ESYT3: variants seen among roughly 807,000 people sequenced by gnomAD.
ESYT3 encodes extended synaptotagmin 3.
ESYT3 carries 101 observed loss-of-function variants against 111.5 expected under a neutral mutation model. The observed-to-expected ratio is 0.91, with a 90% CI of 0.77 to 1.07. ESYT3 has a LOEUF of 1.07. Among genes scored for constraint, ESYT3 ranks in the 50% least tolerant of loss-of-function variants. ESYT3 has a pLI of 0.00. For missense variants in ESYT3, 1,097 were observed against 1,109.4 expected, an observed-to-expected ratio of 0.99 and a Z score of 0.16; for synonymous variants, 416 against 446.8, an observed-to-expected ratio of 0.93 and a Z score of 0.87.
chr3:138,469,927 G>A, intron 15 of ESYT3, 133 bp from the exon 16 acceptor site: 1 of 646,994 alleles, frequency 1.5e-6, no homozygotes, highest in Non-Finnish European at 2.6e-6. Flanking sequence ...GCTGTAGCGT[G>A]TTTGGGTCTG....
At chr3:138,460,573 AC>A (rs2032572998) in intron 6 of ESYT3, 37 bp from the exon 7 acceptor site, 1 of 1,612,406 alleles carries the variant, frequency 6.2e-7, no homozygotes, top group Non-Finnish European at 8.5e-7. Context: ...TGGGCTCCCA[AC>A]CCTTTCCAGC....
Position 138,470,879 on chromosome 3 carries a change from G to A in ESYT3, c.1593G>A (p.Val531=), listed in dbSNP as rs749311644. 1 of 1,614,118 alleles carries A rather than the reference G, an allele frequency of 6.2e-7. No homozygotes were observed. The highest frequency in any genetic ancestry group is 8.5e-7 in the Non-Finnish European group (1 of 1,180,012). ...TTTGTGACTGGACCACTGCCCAGGT[G>A]CTTGATGATGACCAGGAGTGTGCTC... is the stretch of plus-strand genomic sequence containing the variant. ...NVATERLHLK[V]LDDDQECALG... The change falls in exon 17 of 23, where the codon GTG becomes GTA. Residue 531 remains valine (V), a splice_region_variant and synonymous_variant. Coordinates refer to ENST00000389567, the MANE Select transcript of ESYT3 (RefSeq NM_031913.5).
At chr3:138,475,947 G>A (rs764144710) in intron 20 of ESYT3, among the ~76,000 whole-genome samples, 18 of 152,270 alleles carry the variant, frequency 1.2e-4, no homozygotes, top group Middle Eastern at 3.4e-3. Context: ...TGGTAGCAAA[G>A]GTAGAATTGG....
At chr3:138,475,773 C>CA (rs1282229312) in intron 20 of ESYT3, among the ~76,000 whole-genome samples, 2 of 151,974 alleles carry the variant, frequency 1.3e-5, no homozygotes, top group African/African-American at 4.8e-5. Flanking sequence ...ACTAAAAACA[C>CA]AAAAAATTAG....
intron 7 of ESYT3, 86 bp from the exon 8 acceptor site, chr3:138,462,000 C>T (rs1359926159): frequency 1.3e-6 from 2 of 1,594,582 alleles, no homozygotes; most frequent in South Asian, 2.3e-5. Flanking sequence ...CCAATCTGGG[C>T]TCCTGGTTCC....
At chr3:138,462,308 T>A (rs1334329027) in intron 8 of ESYT3, 102 bp downstream of exon 8, 2 of 1,498,302 alleles carry the variant, frequency 1.3e-6, no homozygotes, top group African/African-American at 2.8e-5. Flanking sequence ...ACACTAATGC[T>A]TGACAGTCCC....
chr3:138,465,434 G>C lies in ESYT3; in HGVS notation c.1169+13G>C. 6.3e-7 allele frequency: 1 copy of C among 1,578,822 alleles called. No individual in the cohort carries two copies. The highest frequency in any genetic ancestry group is 8.6e-7 in the Non-Finnish European group (1 of 1,162,214). On this transcript the variant is annotated intron_variant, in intron 10 of 22. Coordinates refer to ENST00000389567, the MANE Select transcript of ESYT3 (RefSeq NM_031913.5). ...ACTTCCTGGGCAGGTGAGGAGGAGG[G>C]CGCACAGCTGGGCCTGGAGGCAGCC...
rs746475237 is a variant in ESYT3, at chr3:138,472,546, A to G, written c.1924A>G (p.Arg642Gly). 31 of 1,614,130 alleles carry G rather than the reference A, an allele frequency of 1.9e-5. No individual in the cohort carries two copies. The highest frequency in any genetic ancestry group is 2.5e-5 in the Non-Finnish European group (30 of 1,180,050). The change falls in exon 18 of 23, where the codon AGG becomes GGG. Residue 642 changes from arginine to glycine, a missense_variant. Arg to Gly is a moderately radical substitution (Grantham distance 125). Transcript: ENST00000389567. ...TGCTTCTGATACTAAGGACGTATCC[A>G]GGAGTACCACAACCACCACCAGTGC... is the stretch of plus-strand genomic sequence containing the variant. ...DPASDTKDVS[R>G]STTTTTSATT...
At chr3:138,476,729 G>A (rs1576474048) in intron 22 of ESYT3, 89 bp from the exon 23 acceptor site, 1 of 1,324,332 alleles carries the variant, frequency 7.6e-7, no homozygotes, top group Non-Finnish European at 1.1e-6. Flanking sequence ...GTCTTACAGA[G>A]GCCCAGGCAG....
At position 138,472,591 on chromosome 3, in the gene ESYT3, C is replaced by T; in HGVS notation, c.1969C>T (p.Pro657Ser). ...TTSATTVATEPTSQETGPEPK... is the reference protein window; with the variant it reads ...TTSATTVATESTSQETGPEPK... Reference sequence around the variant, plus strand: ...CAGTGCTACCACCGTTGCCACTGAGCCCACATCCCAAGAGACAGGCCCAGA... The same window carrying T: ...CAGTGCTACCACCGTTGCCACTGAGTCCACATCCCAAGAGACAGGCCCAGA... The change falls in exon 18 of 23, where the codon CCC (proline) becomes TCC (serine). Residue 657 changes from proline (P) to serine (S), a missense_variant. Physicochemically the swap from Pro to Ser is moderately conservative, Grantham distance 74. Transcript: ENST00000389567. The T allele has an allele frequency of 6.2e-7, 1 of 1,614,214 alleles. No homozygotes were observed. Among genetic ancestry groups the T allele is most frequent in the Non-Finnish European group, 8.5e-7 (1 of 1,180,048 alleles).
chr3:138,480,118 G>T (rs2033658037), downstream of ESYT3: 1 of 152,140 alleles, frequency 6.6e-6, no homozygotes, highest in Non-Finnish European at 1.5e-5. Flanking sequence ...AAACGTAGGA[G>T]GGGAAAGCAA....
Position 138,472,610 on chromosome 3 carries a change from G to A in ESYT3, c.1988G>A (p.Gly663Asp). The part of the protein sequence containing the change: ...VATEPTSQET[G>D]PEPKGKDSAK... ...ACTGAGCCCACATCCCAAGAGACAG[G>A]CCCAGAGCCTAAAGGCAAGGACAGT... Residue 663 changes from glycine to aspartate, a missense_variant, in exon 18 of 23, where the codon GGC (glycine) becomes GAC (aspartate). By Grantham distance (94) the Gly-to-Asp change is moderately conservative (BLOSUM62 -1). Coordinates refer to ENST00000389567, the MANE Select transcript of ESYT3 (RefSeq NM_031913.5). The A allele has an allele frequency of 6.2e-7, 1 of 1,614,186 alleles. No individual in the cohort carries two copies. Among genetic ancestry groups the A allele is most frequent in the Non-Finnish European group, 8.5e-7 (1 of 1,180,034 alleles).
intron 2 of ESYT3, among the ~76,000 whole-genome samples, 194 bp downstream of exon 2, chr3:138,452,283 G>C (rs908902869): frequency 5.3e-5 from 8 of 152,124 alleles, no homozygotes; most frequent in African/African-American, 1.9e-4. Flanking sequence ...ATTAATACGT[G>C]GTCACAGCAG....
At chr3:138,436,345 C>G (rs986398179) in intron 1 of ESYT3, among the ~76,000 whole-genome samples, 2 of 152,120 alleles carry the variant, frequency 1.3e-5, no homozygotes, top group Non-Finnish European at 2.9e-5. Flanking sequence ...CTTCTGTGTC[C>G]TAATCTCTTC....
intron 1 of ESYT3, among the ~76,000 whole-genome samples, chr3:138,449,809 T>G (rs1178000909): frequency 6.6e-6 from 1 of 152,238 alleles, no homozygotes; most frequent in East Asian, 1.9e-4. Flanking sequence ...GTTAGTTGCC[T>G]GCCTGTGAGT....
At chr3:138,448,284 AAAAAAAAAAT>A (rs2031689045) in intron 1 of ESYT3, among the ~76,000 whole-genome samples, 1 of 150,786 alleles carries the variant, frequency 6.6e-6, no homozygotes, top group African/African-American at 2.4e-5. Flanking sequence ...AAAAAAAAAA[AAAAAAAAAAT>A]GCAGGGGAGG....
At chr3:138,474,104 C>G in intron 19 of ESYT3, 117 bp from the exon 20 acceptor site, 1 of 1,348,040 alleles carries the variant, frequency 7.4e-7, no homozygotes, top group South Asian at 1.4e-5. Context: ...GCTAATATAG[C>G]CTTCTCTCAA....
Position 138,474,294 on chromosome 3 carries a change from G to T in ESYT3, c.2410G>T (p.Ala804Ser). 2 of 1,611,452 alleles carry T rather than the reference G, an allele frequency of 1.2e-6. No homozygotes were observed. Among genetic ancestry groups the T allele is most frequent in the South Asian group, 1.1e-5 (1 of 90,252 alleles). The change falls in exon 20 of 23, where the codon GCA (alanine) becomes TCA (serine). Residue 804 changes from alanine to serine, a missense_variant. Coordinates refer to ENST00000389567, the MANE Select transcript of ESYT3 (RefSeq NM_031913.5). ...RVYLLPERKW[A>S]CRKKTSVKRK... is the part of the protein sequence containing the mutation. ...CTACTTGTTGCCAGAAAGGAAGTGG[G>T]CATGTCGTAAGAAGACTTCAGTGAA...
At chr3:138,452,979 G>A (rs1463275907) in intron 2 of ESYT3, among the ~76,000 whole-genome samples, 1 of 152,228 alleles carries the variant, frequency 6.6e-6, no homozygotes, top group Non-Finnish European at 1.5e-5. Context: ...AACTCCTTGA[G>A]AGGCTGAGGC....
Sources: allele counts gnomAD v4.1 joint callset (sites outside exome capture counted in the v4.1 genomes callset), GRCh38; gene constraint gnomAD v4.1.1; transcripts MANE v1.5; gene names NCBI Gene and HGNC (gene_info 2026-07-23, HGNC 2026-07-21).